DST: variants seen among roughly 807,000 people sequenced by gnomAD.
DST encodes the protein dystonin, also known as bullous pemphigoid antigen.
Under a neutral mutation model 875.2 loss-of-function variants are expected in DST, and 253 were observed. That is an observed-to-expected ratio of 0.29 (90% CI 0.26 to 0.32). The LOEUF (loss-of-function observed/expected upper bound fraction) is 0.32, where lower values mean the gene tolerates loss of function less well. DST is among the 10% of genes least tolerant of loss of function. DST has a pLI of 1.00. For synonymous variants in DST, 3,124 were observed against 3,197.1 expected (o/e 0.98, Z 0.77); for missense variants, 8,287 against 9,111.6 (o/e 0.91, Z 3.68).
rs939229873 is a variant in DST at position 56,529,047 on chromosome 6, T to C, written c.17596-122A>G. On this transcript the variant is annotated intron_variant, in intron 66 of 103. Transcript: ENST00000680361. The stretch of plus-strand genomic sequence containing the variant: ...GACATATTTGAGTAAATATCTCACA[T>C]TTTCAAATGTTCTTATTGTTCCCAT... 5.3e-5 allele frequency: 38 copies of C among 710,402 alleles called. No individual in the cohort carries two copies. The African/African-American group carries it at 6.2e-4, about 12-fold the overall frequency. 44.0% of individuals were successfully genotyped at this position (710,402 alleles called of 1,614,324 possible).
In DST at chr6:56,511,031, G is replaced by C. The variant is rs112426321; in HGVS notation, c.18780+166C>G. ...GGCAGAGAAAGATAAGGAGATAAAGGCTGGATGCAAGCAAACATCACCTCT... is the reference window on the plus strand; with the variant it reads ...GGCAGAGAAAGATAAGGAGATAAAGCCTGGATGCAAGCAAACATCACCTCT... On this transcript the variant is annotated intron_variant, in intron 73 of 103. Transcript: ENST00000680361. 2.4e-3 allele frequency among the ~76,000 whole-genome samples: 370 copies of C among 152,260 alleles called. 1 individual carries two copies. The highest frequency in any genetic ancestry group is 8.7e-3 in the African/African-American group (362 of 41,548).
chr6:56,599,923 A>T, intron 45 of DST, 146 bp downstream of exon 45: 4 of 636,666 alleles, frequency 6.3e-6, no homozygotes, highest in Non-Finnish European at 9.8e-6. Flanking sequence ...TATAAAGTTT[A>T]AAGCTCAAGC....
Position 56,631,292 on chromosome 6 carries a change from A to C in DST, c.4061T>G (p.Val1354Gly). 6.2e-7 allele frequency: 1 copy of C among 1,613,958 alleles called. No homozygotes were observed. The highest frequency in any genetic ancestry group is 8.5e-7 in the Non-Finnish European group (1 of 1,179,910). The change falls in exon 30 of 104, where the codon GTC (valine) becomes GGC (glycine). Residue 1354 changes from valine to glycine, a missense_variant. Around this residue, in one of 10 missense-constraint regions of DST, gnomAD observed 3,138 missense variants for 3,116.6 expected, o/e 1.01. Coordinates refer to ENST00000680361, the MANE Select transcript of DST (RefSeq NM_001374736.1). ...ATTAAGCTCTGATCGTAGGGTAGGG[A>C]CTGATGAAGAGGCTGCTGCTTGACT... ...FFSQAAASSS[V>G]PTLRSELNVV...
intron 4 of DST, among the ~76,000 whole-genome samples, chr6:56,792,803 C>T (rs1198003328): frequency 6.6e-6 from 1 of 152,142 alleles, no homozygotes; most frequent in Non-Finnish European, 1.5e-5. Context: ...CATGGTAGCT[C>T]ACGCCTCTAG....
At chr6:56,781,663 T>C (rs1481368219) in intron 4 of DST, among the ~76,000 whole-genome samples, 2 of 152,246 alleles carry the variant, frequency 1.3e-5, no homozygotes, top group African/African-American at 4.8e-5. Flanking sequence ...TCATGTCGTC[T>C]GCAAACAGGG....
rs2098535440 is a variant in DST, at chr6:56,610,451, T to C, written c.5259A>G (p.Ser1753=). ...CCTTCTCCTCTACCTTTACATCTCC[T>C]GAGGTTTGTGATTCTTGTAGCTGTT... ...SLKQLQESQT[S]GDVKVEEKLD... Residue 1753 remains serine, a synonymous_variant, in exon 39 of 104, where the codon TCA becomes TCG. Coordinates refer to ENST00000680361, the MANE Select transcript of DST (RefSeq NM_001374736.1). The C allele has an allele frequency of 1.9e-6, 3 of 1,564,288 alleles. No individual in the cohort carries two copies. Among genetic ancestry groups the C allele is most frequent in the Non-Finnish European group, 2.6e-6 (3 of 1,152,708 alleles).
At chr6:56,553,876 A>G (rs2097359000) in intron 60 of DST, among the ~76,000 whole-genome samples, 1 of 152,132 alleles carries the variant, frequency 6.6e-6, no homozygotes, top group Non-Finnish European at 1.5e-5. Flanking sequence ...AAGATGCAGG[A>G]TACAGATGAG....
intron 77 of DST, among the ~76,000 whole-genome samples, chr6:56,504,512 G>A (rs979460263): frequency 6.6e-6 from 1 of 151,948 alleles, no homozygotes; most frequent in Non-Finnish European, 1.5e-5. Context: ...TAGAACTTAG[G>A]CAAAATATTT....
chr6:56,940,191 TACACACACACAC>T (rs59001581), intron 2 of DST, among the ~76,000 whole-genome samples: 2,427 of 142,280 alleles, frequency 0.017, 66 homozygotes, highest in African/African-American at 0.058. Flanking sequence ...ATTACCCCCA[TACACACACACAC>T]ACACACACAC....
chr6:56,693,078 C>T, intron 9 of DST: 1 of 1,289,590 alleles, frequency 7.8e-7, no homozygotes, highest in South Asian at 1.2e-5. Context: ...TTTCAGGGTT[C>T]AAAGGAGTTT....
At chr6:56,600,796 C>T (rs1041308221) in intron 44 of DST, among the ~76,000 whole-genome samples, 6 of 152,034 alleles carry the variant, frequency 3.9e-5, no homozygotes, top group Admixed American at 2.6e-4. Context: ...GAAGTCAACA[C>T]TAATTACTTG....
At chr6:56,683,766 GT>G (rs2099167823) in intron 9 of DST, among the ~76,000 whole-genome samples, 1 of 152,134 alleles carries the variant, frequency 6.6e-6, no homozygotes, top group South Asian at 2.1e-4. Flanking sequence ...AAATCAAAAG[GT>G]TTCCAATTAA....
intron 4 of DST, among the ~76,000 whole-genome samples, chr6:56,765,253 T>C (rs1163311817): frequency 1.3e-5 from 2 of 152,222 alleles, no homozygotes; most frequent in Admixed American, 1.3e-4. Context: ...TTCAATGATA[T>C]TTTCAAAAGC....
rs1367281268 is a variant in DST at position 56,458,210 on chromosome 6, T to C, written c.*795A>G. The C allele has an allele frequency of 6.6e-6, 1 of 152,600 alleles. No individual in the cohort carries two copies. Among genetic ancestry groups the C allele is most frequent in the Non-Finnish European group, 1.5e-5 (1 of 68,020 alleles). The allele number at this position is 152,600 out of a possible 1,614,324, so 9.5% of individuals were successfully genotyped here. On this transcript the variant is annotated 3_prime_UTR_variant, in exon 104 of 104. Transcript: ENST00000680361. ...CATAAAAAAATACACTAGTTTTCCC[T>C]GGGGAAAAAAAATTAATTCCATAGC...
intron 2 of DST, among the ~76,000 whole-genome samples, chr6:56,917,401 T>C (rs1801763844): frequency 6.6e-6 from 1 of 152,248 alleles, no homozygotes; most frequent in African/African-American, 2.4e-5. Flanking sequence ...TGCTTGTGGC[T>C]AGTCCATTTT....
Position 56,552,950 on chromosome 6 carries a change from ACTT to A in DST, c.15839_15841del (p.Glu5280del), listed in dbSNP as rs1233181836. On this transcript the variant is annotated inframe_deletion, in exon 61 of 104. Coordinates refer to ENST00000680361, the MANE Select transcript of DST (RefSeq NM_001374736.1). ...AAGCTGCCTTTTAGATTCTTTGGAA[ACTT>A]CTTGAAATTCTTTAAACTTCTGAGT... The A allele has an allele frequency of 8.7e-6, 14 of 1,613,856 alleles. No homozygotes were observed. The highest frequency in any genetic ancestry group is 1.7e-5 in the Admixed American group (1 of 60,002).
At chr6:56,579,058 C>A (rs971317668) in intron 49 of DST, 121 bp from the exon 50 acceptor site, 60 of 793,492 alleles carry the variant, frequency 7.6e-5, no homozygotes, top group Non-Finnish European at 1.0e-4. Flanking sequence ...TTCATCATAC[C>A]AACTTTCATC....
At chr6:56,879,532 T>TA (rs1161405949) in intron 3 of DST, among the ~76,000 whole-genome samples, 2 of 152,218 alleles carry the variant, frequency 1.3e-5, no homozygotes, top group Non-Finnish European at 2.9e-5. Flanking sequence ...GTTTATTAAT[T>TA]ATAGTTATTA....
At chr6:56,859,301 C>T (rs1014672234) in intron 3 of DST, among the ~76,000 whole-genome samples, 1 of 152,040 alleles carries the variant, frequency 6.6e-6, no homozygotes, top group Non-Finnish European at 1.5e-5. Context: ...CATAAATCTC[C>T]CCAAACAGAT....
Sources: allele counts gnomAD v4.1 joint callset (sites outside exome capture counted in the v4.1 genomes callset), GRCh38; gene constraint gnomAD v4.1.1; regional missense constraint gnomAD v4.1.1; transcripts MANE v1.5; gene names NCBI Gene and HGNC (gene_info 2026-07-23, HGNC 2026-07-21).